TTC29: variants seen among roughly 807,000 people sequenced by gnomAD.
TTC29 encodes tetratricopeptide repeat domain 29.
Under a neutral mutation model 58.1 loss-of-function variants are expected in TTC29, and 49 were observed. The observed-to-expected ratio is 0.84, with a 90% confidence interval of 0.67 to 1.07. TTC29 has a LOEUF of 1.07. Ranked by LOEUF, TTC29 falls within the 50% of genes least tolerant of loss-of-function variation. The probability of loss-of-function intolerance (pLI) is 0.00; values close to 1 mark genes in which losing one functional copy is unlikely to be tolerated. For missense variants in TTC29, 582 were observed against 555.6 expected (o/e 1.05, Z -0.48); for synonymous variants, 209 against 196.8 (o/e 1.06, Z -0.52).
At chr4:146,863,386 A>G (rs924377411) in intron 8 of TTC29, among the ~76,000 whole-genome samples, 1 of 151,948 alleles carries the variant, frequency 6.6e-6, no homozygotes, top group Non-Finnish European at 1.5e-5. Flanking sequence ...TTTTTCTTTC[A>G]ACACTATTAA....
chr4:146,728,822 T>C (rs1268037220), intron 11 of TTC29, among the ~76,000 whole-genome samples: 2 of 118,120 alleles, frequency 1.7e-5, no homozygotes, highest in African/African-American at 6.2e-5. Context: ...TATGTGTATA[T>C]ATACATATAT....
intron 9 of TTC29, among the ~76,000 whole-genome samples, chr4:146,827,098 T>C (rs1727860341): frequency 6.6e-6 from 1 of 152,156 alleles, no homozygotes; most frequent in Admixed American, 6.5e-5. Flanking sequence ...GTAGCCTACT[T>C]CTGCCACTTC....
intron 6 of TTC29, among the ~76,000 whole-genome samples, chr4:146,889,498 T>A (rs897733580): frequency 1.4e-4 from 22 of 152,154 alleles, no homozygotes; most frequent in Non-Finnish European, 1.0e-4. Context: ...CTGTCCTGGT[T>A]AAGATTTTGT....
At chr4:146,737,556 C>T (rs890349050) in intron 11 of TTC29, among the ~76,000 whole-genome samples, 8 of 139,128 alleles carry the variant, frequency 5.8e-5, no homozygotes, top group African/African-American at 1.1e-4. Flanking sequence ...AGGCCCTGAA[C>T]GCATCTGGCA....
chr4:146,825,645 C>T (rs961673174), intron 9 of TTC29, among the ~76,000 whole-genome samples: 13 of 152,122 alleles, frequency 8.5e-5, no homozygotes, highest in Non-Finnish European at 1.5e-4. Flanking sequence ...GAGTTCAAGT[C>T]CTGAATATTC....
At chr4:146,852,568 C>T (rs1413640622) in intron 8 of TTC29, among the ~76,000 whole-genome samples, 6 of 152,220 alleles carry the variant, frequency 3.9e-5, no homozygotes. Flanking sequence ...CATTTGGCTG[C>T]CCTCCCAGGC....
At chr4:146,785,147 C>A (rs1486564315) in intron 11 of TTC29, among the ~76,000 whole-genome samples, 1 of 150,270 alleles carries the variant, frequency 6.7e-6, no homozygotes. Flanking sequence ...AATATATTTT[C>A]AGCTATTGTT....
chr4:146,898,442 G>T (rs992327462), intron 6 of TTC29, among the ~76,000 whole-genome samples: 10 of 152,220 alleles, frequency 6.6e-5, no homozygotes, highest in Non-Finnish European at 1.0e-4. Context: ...GATCTGAACT[G>T]AGCAAGCTAG....
intron 10 of TTC29, among the ~76,000 whole-genome samples, chr4:146,816,521 G>A (rs1299244401): frequency 1.3e-5 from 2 of 152,222 alleles, no homozygotes; most frequent in African/African-American, 2.4e-5. Flanking sequence ...GGGAAACAAC[G>A]TGGTGGAGAT....
intron 11 of TTC29, among the ~76,000 whole-genome samples, chr4:146,798,935 G>C (rs536514341): frequency 8.2e-4 from 118 of 143,420 alleles, no homozygotes; most frequent in Middle Eastern, 3.6e-3. Flanking sequence ...ACCATATTTA[G>C]TGAGAAAGAT....
At chr4:146,771,633 A>G (rs974042156) in intron 11 of TTC29, among the ~76,000 whole-genome samples, 8 of 152,104 alleles carry the variant, frequency 5.3e-5, no homozygotes, top group African/African-American at 1.9e-4. Flanking sequence ...GTGTATACAT[A>G]ACACATTTTC....
chr4:146,860,923 A>T (rs1238655425), intron 8 of TTC29, among the ~76,000 whole-genome samples: 2 of 152,220 alleles, frequency 1.3e-5, no homozygotes, highest in Non-Finnish European at 2.9e-5. Context: ...AAACATAGAG[A>T]TGGCTACTGC....
chr4:146,782,486 T>C (rs1357648301), intron 11 of TTC29, among the ~76,000 whole-genome samples: 2 of 151,946 alleles, frequency 1.3e-5, no homozygotes, highest in Non-Finnish European at 2.9e-5. Flanking sequence ...GAAATGTTTA[T>C]CTTGTAGCAA....
At chr4:146,870,991 G>A (rs984833759) in intron 7 of TTC29, among the ~76,000 whole-genome samples, 1 of 151,798 alleles carries the variant, frequency 6.6e-6, no homozygotes, top group Admixed American at 6.6e-5. Flanking sequence ...CATTCTGCGA[G>A]ACCAGTATTA....
intron 11 of TTC29, among the ~76,000 whole-genome samples, chr4:146,802,015 T>C (rs1383369202): frequency 1.5e-5 from 2 of 137,122 alleles, no homozygotes; most frequent in African/African-American, 2.6e-5. Flanking sequence ...AAAAAGAGAC[T>C]TTTTTAAAGC....
At chr4:146,873,692 A>G (rs1311412744) in intron 7 of TTC29, among the ~76,000 whole-genome samples, 1 of 152,188 alleles carries the variant, frequency 6.6e-6, no homozygotes. Flanking sequence ...CCATTTATTC[A>G]AAAGCAGTTC....
In TTC29 at chr4:146,737,592, G is replaced by GC. The variant is rs894902457; in HGVS notation, c.1331-30042_1331-30041insG. Among the ~76,000 whole-genome samples the GC allele has an allele frequency of 8.0e-4, 66 of 82,916 alleles. 1 individual carries two copies. Among genetic ancestry groups the GC allele is most frequent in the East Asian group, 1.5e-3 (3 of 1,992 alleles). The allele number at this position is 82,916 out of a possible 152,430, so 54.4% of individuals were successfully genotyped here. ...AGTGAGGCTGATGCTAGTAGCCCTG[G>GC]GGGGGGGGGGGCTACAAACGGGTCT... On this transcript the variant is annotated intron_variant, in intron 11 of 12. Coordinates refer to ENST00000325106, the MANE Select transcript of TTC29 (RefSeq NM_031956.4).
chr4:146,891,911 G>C (rs1294608011), intron 6 of TTC29, among the ~76,000 whole-genome samples: 1 of 152,088 alleles, frequency 6.6e-6, no homozygotes, highest in Non-Finnish European at 1.5e-5. Context: ...ATGCTTTCAG[G>C]GTAGATTATC....
At chr4:146,771,433 C>T (rs532058490) in intron 11 of TTC29, among the ~76,000 whole-genome samples, 13 of 152,028 alleles carry the variant, frequency 8.6e-5, no homozygotes, top group Non-Finnish European at 1.6e-4. Flanking sequence ...TCCAGTAGGC[C>T]GAGTGTCTGC....
Sources: allele counts gnomAD v4.1 joint callset (sites outside exome capture counted in the v4.1 genomes callset), GRCh38; gene constraint gnomAD v4.1.1; transcripts MANE v1.5; gene names NCBI Gene and HGNC (gene_info 2026-07-23, HGNC 2026-07-21).